UTRN: variants seen among roughly 807,000 people sequenced by gnomAD.
UTRN encodes the protein dystrophin-related protein 1.
A neutral mutation model predicts 463.9 loss-of-function variants in UTRN; 283 were observed. The observed-to-expected ratio is 0.61, with a 90% CI of 0.55 to 0.67. UTRN has a LOEUF of 0.67. Ranked by LOEUF, UTRN falls within the 30% of genes least tolerant of loss-of-function variation. The pLI is 0.00. For synonymous variants in UTRN, 1,442 were observed against 1,431.5 expected, an observed-to-expected ratio of 1.01 and a Z score of -0.17; for missense variants, 3,922 against 4,084.3, an observed-to-expected ratio of 0.96 and a Z score of 1.08.
In UTRN at chr6:144,286,361, C is replaced by T. The variant is rs1451564620; in HGVS notation, c.-93+540C>T. On this transcript the variant is annotated intron_variant, in intron 1 of 74. Transcript: ENST00000367545. The surrounding 1 kb of genome is among the most constrained non-coding windows in gnomAD (Gnocchi z 4.4). ...GCCAGCGGAGCGCTTCCCAGCCAGC[C>T]GCCCGGCGGGGAACGTGCTTGACCT... is the stretch of plus-strand genomic sequence containing the variant. 6.6e-6 allele frequency among the ~76,000 whole-genome samples: 1 copy of T among 151,962 alleles called. No homozygotes were observed. The highest frequency in any genetic ancestry group is 2.4e-5 in the African/African-American group (1 of 41,392).
Position 144,729,068 on chromosome 6 carries a change from C to T in UTRN, c.7810-1289C>T, listed in dbSNP as rs73593808. 1.6e-3 allele frequency among the ~76,000 whole-genome samples: 239 copies of T among 152,136 alleles called. 1 individual carries two copies. Among genetic ancestry groups the T allele is most frequent in the African/African-American group, 5.5e-3 (230 of 41,496 alleles). On this transcript the variant is annotated intron_variant, in intron 53 of 74. Coordinates refer to ENST00000367545, the MANE Select transcript of UTRN (RefSeq NM_007124.3). ...CTAGAGTAGTACTTGAGGAGGGTAA[C>T]GGGTGGCGTGTGCATGCTTCATGGC...
intron 51 of UTRN, among the ~76,000 whole-genome samples, chr6:144,642,620 C>T (rs772409891): frequency 2.0e-5 from 3 of 152,132 alleles, no homozygotes. Context: ...TACAACGTCA[C>T]GTTTTCTTAA....
intron 2 of UTRN, among the ~76,000 whole-genome samples, chr6:144,342,732 T>G (rs914297644): frequency 6.6e-6 from 1 of 152,182 alleles, no homozygotes; most frequent in Admixed American, 6.5e-5. Flanking sequence ...TGGGGGTCGA[T>G]TGTGGTGATG....
chr6:144,543,073 C>T (rs1421308003), intron 46 of UTRN, among the ~76,000 whole-genome samples: 1 of 152,172 alleles, frequency 6.6e-6, no homozygotes, highest in Non-Finnish European at 1.5e-5. Context: ...CATTTGTTCT[C>T]GCGGCAGATA....
At chr6:144,639,094 A>C (rs532258709) in intron 51 of UTRN, among the ~76,000 whole-genome samples, 6 of 123,100 alleles carry the variant, frequency 4.9e-5, no homozygotes, top group Non-Finnish European at 9.2e-5. Context: ...AATAATAAAA[A>C]TAAAAGAAAA....
chr6:144,359,420 C>T lies in UTRN; in HGVS notation c.80-43703C>T, dbSNP rs76030443. On this transcript the variant is annotated intron_variant, in intron 2 of 74. Transcript: ENST00000367545. ...TTGCTACTATTATTATTGTTGTTGGCACCATCCTTCATTTCAGGTATTCAT... is the reference window on the plus strand; with the variant it reads ...TTGCTACTATTATTATTGTTGTTGGTACCATCCTTCATTTCAGGTATTCAT... Among the ~76,000 whole-genome samples, 21 of 152,280 alleles carry T rather than the reference C, an allele frequency of 1.4e-4. No homozygotes were observed. The East Asian group carries it at 3.7e-3, about 27-fold the overall frequency.
At chr6:144,480,894 TATGAC>T (rs1362088353) in intron 26 of UTRN, among the ~76,000 whole-genome samples, 1 of 152,182 alleles carries the variant, frequency 6.6e-6, no homozygotes, top group African/African-American at 2.4e-5. Context: ...TCAAAGTAAA[TATGAC>T]AGGAGACTTG....
At chr6:144,290,146 ACAAT>A (rs755340900) in intron 1 of UTRN, among the ~76,000 whole-genome samples, 11 of 152,232 alleles carry the variant, frequency 7.2e-5, no homozygotes, top group Non-Finnish European at 1.5e-4. Context: ...CATGTCTCTT[ACAAT>A]CAAAGACATT....
At chr6:144,813,316 G>A (rs1778792941) in intron 65 of UTRN, among the ~76,000 whole-genome samples, 2 of 152,122 alleles carry the variant, frequency 1.3e-5, no homozygotes, top group South Asian at 4.1e-4. Context: ...AGCCTCCTGA[G>A]TAGCTGGGAT....
chr6:144,818,920 T>G (rs997665585), intron 65 of UTRN, among the ~76,000 whole-genome samples: 2 of 151,622 alleles, frequency 1.3e-5, no homozygotes, highest in African/African-American at 4.9e-5. Context: ...TTCTGCCTGG[T>G]AAGAGCTGAA....
intron 2 of UTRN, among the ~76,000 whole-genome samples, chr6:144,300,045 T>A (rs576977089): frequency 6.6e-6 from 1 of 152,240 alleles, no homozygotes; most frequent in African/African-American, 2.4e-5. Flanking sequence ...CACCGTAGCA[T>A]TTTCCCTATG....
chr6:144,702,213 A>T (rs1265521875), intron 53 of UTRN, among the ~76,000 whole-genome samples: 1 of 152,192 alleles, frequency 6.6e-6, no homozygotes. Flanking sequence ...GCCTTAGCAC[A>T]TAAAGTATGT....
chr6:144,480,124 A>G (rs1034279972), intron 26 of UTRN, 142 bp downstream of exon 26: 2 of 1,064,790 alleles, frequency 1.9e-6, no homozygotes, highest in South Asian at 2.3e-5. Flanking sequence ...AAAAAACATA[A>G]CAGGGTAGCT....
Position 144,539,401 on chromosome 6 carries a change from A to C in UTRN, c.6477A>C (p.Lys2159Asn), listed in dbSNP as rs1279898452. 2.5e-6 allele frequency: 4 copies of C among 1,613,294 alleles called. No individual in the cohort carries two copies. Among genetic ancestry groups the C allele is most frequent in the Non-Finnish European group, 8.5e-7 (1 of 1,179,618 alleles). The change falls in exon 45 of 75, where the codon AAA becomes AAC. Residue 2159 changes from lysine to asparagine, a missense_variant. Around this residue, in one of 3 missense-constraint regions of UTRN, gnomAD observed 2,349 missense variants for 2,303.8 expected, o/e 1.02. Coordinates refer to ENST00000367545, the MANE Select transcript of UTRN (RefSeq NM_007124.3). ...DKSLSLPERD[K>N]ISESLRTVNM... is the part of the protein sequence containing the mutation. Reference sequence around the variant, plus strand: ...GTCTGAGTTTACCTGAAAGGGATAAAATTTCAGAAAGCTTAAGGACTGTAA... The same window carrying C: ...GTCTGAGTTTACCTGAAAGGGATAACATTTCAGAAAGCTTAAGGACTGTAA...
intron 64 of UTRN, among the ~76,000 whole-genome samples, chr6:144,799,142 T>C (rs1311745701): frequency 6.6e-6 from 1 of 152,254 alleles, no homozygotes; most frequent in African/African-American, 2.4e-5. Flanking sequence ...TGTTGTATAT[T>C]GTATCAGTAT....
intron 2 of UTRN, among the ~76,000 whole-genome samples, chr6:144,366,372 G>A (rs150913840): frequency 2.6e-5 from 4 of 152,254 alleles, no homozygotes; most frequent in African/African-American, 9.6e-5. Context: ...ATAGCCATTG[G>A]TTATTTTTCC....
At chr6:144,533,374 C>A in intron 43 of UTRN, 114 bp downstream of exon 43, 1 of 1,474,712 alleles carries the variant, frequency 6.8e-7, no homozygotes, top group East Asian at 2.4e-5. Context: ...AGGAATTTTA[C>A]TGACATTTAA....
intron 9 of UTRN, among the ~76,000 whole-genome samples, chr6:144,435,256 A>G (rs1203286593): frequency 1.3e-5 from 2 of 152,252 alleles, no homozygotes; most frequent in Non-Finnish European, 1.5e-5. Context: ...AAAGGGAACA[A>G]AAGAACTAGG....
intron 2 of UTRN, among the ~76,000 whole-genome samples, chr6:144,299,972 A>G (rs765182163): frequency 1.3e-5 from 2 of 152,190 alleles, no homozygotes; most frequent in African/African-American, 2.4e-5. Flanking sequence ...AAAATGAGTG[A>G]ATTTTAAAAG....
Sources: gnomAD v4.1 joint callset for allele counts (sites outside exome capture counted in the v4.1 genomes callset) on GRCh38, gnomAD v4.1.1 for gene constraint, gnomAD v4.1.1 regional missense constraint, Gnocchi (gnomAD v3.1) non-coding constraint, MANE v1.5 for transcripts, NCBI Gene and HGNC (gene_info 2026-07-23, HGNC 2026-07-21) for gene names.